Variants in DNAI1 observed in about 807,000 individuals in gnomAD.
DNAI1 encodes the protein dynein, axonemal, intermediate polypeptide 1.
In DNAI1, 67 loss-of-function variants were observed where a neutral mutation model predicts 92.0. The observed-to-expected ratio is 0.73, with a 90% confidence interval of 0.60 to 0.89. DNAI1 has a LOEUF of 0.89. Among genes scored for constraint, DNAI1 ranks in the 40% least tolerant of loss-of-function variants. The probability of loss-of-function intolerance (pLI) is 0.00; values close to 1 mark genes in which losing one functional copy is unlikely to be tolerated. For missense variants in DNAI1, 839 were observed against 866.6 expected, an observed-to-expected ratio of 0.97 and a Z score of 0.40; for synonymous variants, 323 against 319.6, an observed-to-expected ratio of 1.01 and a Z score of -0.11.
chr9:34,481,832 C>A (rs546482270), intron 1 of DNAI1, among the ~76,000 whole-genome samples: 46 of 152,236 alleles, frequency 3.0e-4, no homozygotes. Flanking sequence ...GCAGCGTGGA[C>A]CCAAAGAGTG....
chr9:34,459,654 C>T (rs1290989517), intron 1 of DNAI1, among the ~76,000 whole-genome samples: 1 of 152,176 alleles, frequency 6.6e-6, no homozygotes. Context: ...CCATGTTGCC[C>T]AGGCCCGTCT....
intron 7 of DNAI1, among the ~76,000 whole-genome samples, 163 bp downstream of exon 7, chr9:34,490,651 G>A (rs1476278183): frequency 6.6e-6 from 1 of 152,206 alleles, no homozygotes; most frequent in Non-Finnish European, 1.5e-5. Flanking sequence ...ATGTGTTCAG[G>A]TCTCTGTAAG....
intron 10 of DNAI1, 102 bp downstream of exon 10, chr9:34,497,301 A>T: frequency 2.3e-6 from 2 of 869,818 alleles, no homozygotes; most frequent in Non-Finnish European, 3.9e-6. Flanking sequence ...CTATAGGTGC[A>T]AGCGGAGAAA....
intron 4 of DNAI1, among the ~76,000 whole-genome samples, chr9:34,486,740 C>T (rs745724883): frequency 8.5e-5 from 13 of 152,166 alleles, no homozygotes; most frequent in Non-Finnish European, 1.5e-4. Context: ...TTTCACTTCC[C>T]CGCAAGGAAA....
In DNAI1 at chr9:34,463,673, TA is replaced by T. The variant is rs558614671; in HGVS notation, c.48+4630del. Among the ~76,000 whole-genome samples the T allele has an allele frequency of 8.7e-5, 13 of 149,568 alleles. No individual in the cohort carries two copies. The Middle Eastern group carries it at 0.01, about 119-fold the overall frequency. On this transcript the variant is annotated intron_variant, in intron 1 of 19. Transcript: ENST00000242317. ...CTCTTTATAACTCAGTTGGTTACCA[TA>T]AAAAAAAAATCAAAGTCTGGAATTT...
intron 1 of DNAI1, among the ~76,000 whole-genome samples, chr9:34,481,902 G>A (rs537496015): frequency 1.0e-3 from 157 of 152,318 alleles, no homozygotes; most frequent in Non-Finnish European, 3.8e-4. Context: ...TGTGGAAGGG[G>A]ACCCGAGCAG....
chr9:34,518,348 G>C (rs1336702522), intron 19 of DNAI1, among the ~76,000 whole-genome samples: 1 of 152,254 alleles, frequency 6.6e-6, no homozygotes, highest in South Asian at 2.1e-4. Flanking sequence ...TACCAAGGAA[G>C]GGACTGCGGC....
chr9:34,517,075 T>G (rs1305178565), intron 18 of DNAI1, among the ~76,000 whole-genome samples: 6 of 152,086 alleles, frequency 3.9e-5, no homozygotes, highest in African/African-American at 9.7e-5. Flanking sequence ...CTCCATAGAT[T>G]TAAAATTTCT....
intron 1 of DNAI1, among the ~76,000 whole-genome samples, chr9:34,468,165 T>C (rs892364826): frequency 6.6e-6 from 1 of 150,512 alleles, no homozygotes; most frequent in Non-Finnish European, 1.5e-5. Context: ...TTATTTAATC[T>C]GAAGAACAGA....
rs1823878094 is a variant in DNAI1, at chr9:34,458,894, G to T, written c.-112G>T. 1.1e-6 allele frequency: 1 copy of T among 942,266 alleles called. No individual in the cohort carries two copies. Among genetic ancestry groups the T allele is most frequent in the South Asian group, 1.3e-5 (1 of 74,346 alleles). The allele number at this position is 942,266 out of a possible 1,614,324, so 58.4% of individuals were successfully genotyped here. ...ACGGCTGTCCCTAAAGAACCGTTGC[G>T]ACTGGTAACTGAAGTGGAAGAGAGT... On this transcript the variant is annotated 5_prime_UTR_variant, in exon 1 of 20. Coordinates refer to ENST00000242317, the MANE Select transcript of DNAI1 (RefSeq NM_012144.4). This position sits in a 1 kb window ranked among gnomAD's most constrained non-coding sequence, Gnocchi z 6.6.
At chr9:34,510,330 A>G (rs1008858915) in intron 13 of DNAI1, among the ~76,000 whole-genome samples, 4 of 152,200 alleles carry the variant, frequency 2.6e-5, no homozygotes, top group Non-Finnish European at 4.4e-5. Context: ...TGAAGCTTCA[A>G]CCAGCAACAC....
chr9:34,489,972 C>A, intron 5 of DNAI1, 40 bp from the exon 6 acceptor site: 1 of 1,609,590 alleles, frequency 6.2e-7, no homozygotes, highest in Non-Finnish European at 8.5e-7. Flanking sequence ...ATTGGGAGAG[C>A]AGGCTTAGAC....
intron 1 of DNAI1, among the ~76,000 whole-genome samples, chr9:34,471,254 C>T (rs898863555): frequency 7.3e-5 from 11 of 150,386 alleles, no homozygotes; most frequent in Admixed American, 6.0e-4. Context: ...TAGTGAGACC[C>T]CTTCTCTACC....
chr9:34,465,036 C>G (rs1433941969), intron 1 of DNAI1, among the ~76,000 whole-genome samples: 2 of 152,148 alleles, frequency 1.3e-5, no homozygotes, highest in African/African-American at 4.8e-5. Context: ...TATGGTCAGC[C>G]AAGTTGCATG....
intron 1 of DNAI1, among the ~76,000 whole-genome samples, chr9:34,481,725 C>G (rs563019140): frequency 1.3e-5 from 2 of 152,094 alleles, no homozygotes; most frequent in Admixed American, 1.3e-4. Flanking sequence ...TAAGATAGCG[C>G]GTCTGGAGTT....
intron 1 of DNAI1, among the ~76,000 whole-genome samples, chr9:34,479,669 T>C (rs1824303320): frequency 6.6e-6 from 1 of 152,162 alleles, no homozygotes; most frequent in Admixed American, 6.5e-5. Flanking sequence ...TGAAAGTTGT[T>C]ACACGTTGGG....
At chr9:34,489,290 A>G in intron 4 of DNAI1, 33 bp from the exon 5 acceptor site, 1 of 1,613,334 alleles carries the variant, frequency 6.2e-7, no homozygotes, top group South Asian at 1.1e-5. Flanking sequence ...TCTTTTAGGG[A>G]TCCCTGGTCT....
chr9:34,518,197 GC>G (rs1419929095), intron 19 of DNAI1, among the ~76,000 whole-genome samples: 2 of 152,220 alleles, frequency 1.3e-5, no homozygotes, highest in Non-Finnish European at 2.9e-5. Context: ...TTTGCTTTCT[GC>G]CAGGTTCTGG....
chr9:34,468,778 G>A (rs887809118), intron 1 of DNAI1, among the ~76,000 whole-genome samples: 1 of 151,496 alleles, frequency 6.6e-6, no homozygotes, highest in East Asian at 1.9e-4. Flanking sequence ...GTGAGCTGCG[G>A]CTGTGCCACT....
Sources: gnomAD v4.1 joint callset for allele counts (sites outside exome capture counted in the v4.1 genomes callset) on GRCh38, gnomAD v4.1.1 for gene constraint, Gnocchi (gnomAD v3.1) non-coding constraint, MANE v1.5 for transcripts, NCBI Gene and HGNC (gene_info 2026-07-23, HGNC 2026-07-21) for gene names.